PTPRT: variants seen among roughly 807,000 people sequenced by gnomAD.
The protein encoded by PTPRT is protein tyrosine phosphatase receptor type T.
A neutral mutation model predicts 176.8 loss-of-function variants in PTPRT; 56 were observed. The observed-to-expected ratio is 0.32, with a 90% CI of 0.26 to 0.40. PTPRT has a LOEUF of 0.40. Ranked by LOEUF, PTPRT falls within the 10% of genes least tolerant of loss-of-function variation. The pLI, the probability that PTPRT is intolerant of heterozygous loss-of-function variation, is 1.00. For missense variants in PTPRT, 1,540 were observed against 1,908.2 expected (o/e 0.81, Z 3.60); for synonymous variants, 783 against 739.0 (o/e 1.06, Z -0.96).
At chr20:42,592,362 G>T (rs1174853947) in intron 7 of PTPRT, among the ~76,000 whole-genome samples, 1 of 152,110 alleles carries the variant, frequency 6.6e-6, no homozygotes, top group Non-Finnish European at 1.5e-5. Flanking sequence ...CTGTCTGGAG[G>T]AGTTTCTTGC....
chr20:42,782,802 T>C (rs2077233717), intron 3 of PTPRT, among the ~76,000 whole-genome samples: 2 of 152,190 alleles, frequency 1.3e-5, no homozygotes, highest in Non-Finnish European at 2.9e-5. Context: ...AGTAGAATTT[T>C]AACTGAAAAG....
intron 2 of PTPRT, among the ~76,000 whole-genome samples, chr20:42,798,282 G>T (rs1338974851): frequency 6.6e-6 from 1 of 152,094 alleles, no homozygotes; most frequent in Non-Finnish European, 1.5e-5. Context: ...TTTTAAACAG[G>T]ATCTAATTTA....
intron 1 of PTPRT, among the ~76,000 whole-genome samples, chr20:42,949,422 A>G (rs1981090350): frequency 6.6e-6 from 1 of 152,222 alleles, no homozygotes; most frequent in African/African-American, 2.4e-5. Flanking sequence ...ACAGAGTGCA[A>G]TGTCAACTAC....
intron 18 of PTPRT, among the ~76,000 whole-genome samples, chr20:42,131,739 T>C (rs1988132001): frequency 6.6e-6 from 1 of 152,186 alleles, no homozygotes; most frequent in African/African-American, 2.4e-5. Flanking sequence ...GTCAATTTAG[T>C]GGAGACAGAC....
At chr20:42,051,960 C>T in the PTPRT span, among the ~76,000 whole-genome samples, 7 of 152,198 alleles carry the variant, frequency 4.6e-5, no homozygotes, top group African/African-American at 9.7e-5. Context: ...GGAATTTCCT[C>T]GAGACCTGGC....
In PTPRT at chr20:42,098,496, C is replaced by T. The variant is rs370717549; in HGVS notation, c.3771G>A (p.Val1257=). 1.2e-4 allele frequency: 195 copies of T among 1,614,178 alleles called. No homozygotes were observed. The African/African-American group carries it at 2.3e-3, about 19-fold the overall frequency. Residue 1257 remains valine, a synonymous_variant, in exon 27 of 31, where the codon GTG becomes GTA. Coordinates refer to ENST00000373187, the MANE Select transcript of PTPRT (RefSeq NM_007050.6). ...CGAACACCAGCCTCCAGAAGTCTGC[C>T]ACGGTGTTGGGTAGAGGGTGCTGGG... ...VVTQHPLPNT[V]ADFWRLVFDY...
At chr20:42,499,067 T>C (rs905362488) in intron 7 of PTPRT, among the ~76,000 whole-genome samples, 2 of 152,086 alleles carry the variant, frequency 1.3e-5, no homozygotes, top group African/African-American at 4.8e-5. Flanking sequence ...TGTCTCATAC[T>C]TTTTGGTTTA....
At chr20:42,314,577 A>G (rs992995577) in intron 12 of PTPRT, among the ~76,000 whole-genome samples, 2 of 151,922 alleles carry the variant, frequency 1.3e-5, no homozygotes, top group African/African-American at 4.8e-5. Flanking sequence ...GAAATATGAA[A>G]ATATGACCAC....
chr20:42,787,926 C>T (rs1361704581), intron 3 of PTPRT, among the ~76,000 whole-genome samples: 3 of 151,940 alleles, frequency 2.0e-5, no homozygotes, highest in East Asian at 3.9e-4. Context: ...AGAAGATATG[C>T]CAATATATTA....
chr20:42,106,830 C>T lies in PTPRT; in HGVS notation c.3346G>A (p.Val1116Met), dbSNP rs761910971. 11 of 1,614,048 alleles carry T rather than the reference C, an allele frequency of 6.8e-6. No individual in the cohort carries two copies. Among genetic ancestry groups the T allele is most frequent in the African/African-American group, 1.3e-5 (1 of 74,928 alleles). The change falls in exon 24 of 31, where the codon GTG becomes ATG. Residue 1116 changes from valine to methionine, a missense_variant. By Grantham distance (21) the Val-to-Met change is conservative. Around this residue, in one of 11 missense-constraint regions of PTPRT, gnomAD observed 248 missense variants for 356.7 expected, o/e 0.70. Coordinates refer to ENST00000373187, the MANE Select transcript of PTPRT (RefSeq NM_007050.6). The stretch of plus-strand genomic sequence containing the variant: ...ACCCTTTGGGCCCGGAGCTCACGCA[C>T]GCAGTTGAAGATGTCCACCACCCCT... ...NEGVVDIFNC[V>M]RELRAQRVNL...
intron 7 of PTPRT, among the ~76,000 whole-genome samples, chr20:42,498,443 C>G (rs775465059): frequency 6.6e-6 from 1 of 152,068 alleles, no homozygotes; most frequent in African/African-American, 2.4e-5. Context: ...AAATTCCAAC[C>G]TGATTCTAGT....
At chr20:42,997,760 G>A (rs1384025548) in intron 1 of PTPRT, among the ~76,000 whole-genome samples, 1 of 152,178 alleles carries the variant, frequency 6.6e-6, no homozygotes, top group Non-Finnish European at 1.5e-5. Flanking sequence ...CATTAGCGAT[G>A]ATCATTGTTG....
At chr20:42,701,174 T>A (rs765851445) in intron 6 of PTPRT, among the ~76,000 whole-genome samples, 7 of 152,156 alleles carry the variant, frequency 4.6e-5, no homozygotes, top group Non-Finnish European at 8.8e-5. Context: ...ATCAAATTTA[T>A]CACACTGGGA....
chr20:42,534,864 CTG>C (rs2072448621), intron 7 of PTPRT, among the ~76,000 whole-genome samples: 1 of 152,094 alleles, frequency 6.6e-6, no homozygotes, highest in Non-Finnish European at 1.5e-5. Context: ...CATAAGGTGA[CTG>C]TGGGAATAAA....
chr20:42,933,343 G>C (rs943117925), intron 1 of PTPRT, among the ~76,000 whole-genome samples: 3 of 152,076 alleles, frequency 2.0e-5, no homozygotes, highest in African/African-American at 7.2e-5. Flanking sequence ...GGATCAATTT[G>C]GTCTCCCACA....
chr20:42,452,215 G>A (rs1273518864), intron 8 of PTPRT, among the ~76,000 whole-genome samples: 1 of 151,462 alleles, frequency 6.6e-6, no homozygotes, highest in African/African-American at 2.4e-5. Context: ...GTTGCAGTGA[G>A]CCGAGACCAT....
chr20:42,366,944 G>A (rs569017711), intron 9 of PTPRT, among the ~76,000 whole-genome samples: 3 of 152,334 alleles, frequency 2.0e-5, no homozygotes, highest in South Asian at 2.1e-4. Context: ...GCTTTGAGAC[G>A]TTGCCTTTTT....
chr20:42,908,277 C>T (rs185184633), intron 1 of PTPRT, among the ~76,000 whole-genome samples: 1 of 152,192 alleles, frequency 6.6e-6, no homozygotes, highest in East Asian at 1.9e-4. Flanking sequence ...ATAATAGCCA[C>T]CCAGAAGCAC....
intron 19 of PTPRT, among the ~76,000 whole-genome samples, chr20:42,127,887 G>A (rs1004225474): frequency 4.6e-5 from 7 of 152,168 alleles, no homozygotes; most frequent in East Asian, 1.9e-4. Context: ...TTCTTCCCTC[G>A]GATCTGTCTT....
Sources: allele counts gnomAD v4.1 joint callset (sites outside exome capture counted in the v4.1 genomes callset), GRCh38; gene constraint gnomAD v4.1.1; regional missense constraint gnomAD v4.1.1; transcripts MANE v1.5; gene names NCBI Gene and HGNC (gene_info 2026-07-23, HGNC 2026-07-21).